SLC39A11: variants seen among roughly 807,000 people sequenced by gnomAD.
The protein encoded by SLC39A11 is solute carrier family 39 member 11.
A neutral mutation model predicts 36.1 loss-of-function variants in SLC39A11; 33 were observed. The ratio of observed to expected loss-of-function variants is 0.91; its 90% CI spans 0.69 to 1.22. SLC39A11 has a LOEUF of 1.22. Among genes scored for constraint, SLC39A11 ranks in the 50% most tolerant of loss-of-function variants. SLC39A11 has a pLI of 0.00. For synonymous variants in SLC39A11, 166 were observed against 170.3 expected (o/e 0.97, Z 0.20); for missense variants, 432 against 430.3 (o/e 1.00, Z -0.03).
chr17:72,946,904 C>A (rs973338733), intron 5 of SLC39A11, among the ~76,000 whole-genome samples: 1 of 152,238 alleles, frequency 6.6e-6, no homozygotes, highest in African/African-American at 2.4e-5. Context: ...TCTCCCCACC[C>A]AGCTTCAGTA....
chr17:72,976,346 C>T (rs1568054396), intron 4 of SLC39A11, among the ~76,000 whole-genome samples: 1 of 152,102 alleles, frequency 6.6e-6, no homozygotes, highest in Non-Finnish European at 1.5e-5. Context: ...TAAGATCACA[C>T]CTCTTTAATA....
chr17:72,833,484 T>C (rs2078375822), intron 6 of SLC39A11, among the ~76,000 whole-genome samples: 1 of 152,188 alleles, frequency 6.6e-6, no homozygotes, highest in South Asian at 2.1e-4. Flanking sequence ...TTCCAGGCAG[T>C]GTATTCTAAA....
At chr17:72,966,093 C>T (rs1477591682) in intron 4 of SLC39A11, among the ~76,000 whole-genome samples, 1 of 152,182 alleles carries the variant, frequency 6.6e-6, no homozygotes, top group African/African-American at 2.4e-5. Context: ...TTCTGCTGAA[C>T]CAGGGTGACA....
At chr17:72,733,342 T>C (rs1568001568) in intron 7 of SLC39A11, among the ~76,000 whole-genome samples, 1 of 152,180 alleles carries the variant, frequency 6.6e-6, no homozygotes, top group Non-Finnish European at 1.5e-5. Context: ...TAGTGACAAA[T>C]GTTCAGCTTC....
At chr17:72,800,192 G>A (rs2077036577) in intron 6 of SLC39A11, among the ~76,000 whole-genome samples, 1 of 152,050 alleles carries the variant, frequency 6.6e-6, no homozygotes, top group Non-Finnish European at 1.5e-5. Flanking sequence ...TGAGGCAGGA[G>A]GAATACCAAG....
intron 2 of SLC39A11, among the ~76,000 whole-genome samples, chr17:73,087,853 C>T (rs921778674): frequency 6.6e-6 from 1 of 152,082 alleles, no homozygotes; most frequent in Admixed American, 6.6e-5. Context: ...AGGAAACAAC[C>T]TGGAGATGGG....
intron 3 of SLC39A11, among the ~76,000 whole-genome samples, chr17:73,041,913 T>A (rs1400563429): frequency 6.6e-6 from 1 of 152,138 alleles, no homozygotes; most frequent in African/African-American, 2.4e-5. Context: ...CATAATCCGA[T>A]CTCTTTTCTC....
At chr17:72,654,192 C>T (rs1277120526) in intron 7 of SLC39A11, among the ~76,000 whole-genome samples, 3 of 152,128 alleles carry the variant, frequency 2.0e-5, no homozygotes, top group East Asian at 1.9e-4. Context: ...TTGAAAGGTC[C>T]TAGGCTCCCC....
chr17:72,880,086 C>A (rs936589154), intron 5 of SLC39A11, among the ~76,000 whole-genome samples: 3 of 152,214 alleles, frequency 2.0e-5, no homozygotes, highest in Admixed American at 6.5e-5. Flanking sequence ...GCTGCAACTC[C>A]TGCTGTTTCA....
In SLC39A11 at chr17:72,900,196, A is replaced by AGAAGGAAGGAAG. The variant is rs1567912916; in HGVS notation, c.430+47555_430+47556insCTTCCTTCCTTC. On this transcript the variant is annotated intron_variant, in intron 5 of 9. Transcript: ENST00000255559. Reference sequence around the variant, plus strand: ...AAGAAAGAAAGAAAGAAAGAAAGAAAGAAAGAAAGAAAGAAAGAAAGAAAG... The same window carrying AGAAGGAAGGAAG: ...AAGAAAGAAAGAAAGAAAGAAAGAAAGAAGGAAGGAAGGAAAGAAAGAAAGAAAGAAAGAAAG... Among the ~76,000 whole-genome samples the AGAAGGAAGGAAG allele has an allele frequency of 5.3e-3, 731 of 137,038 alleles. 114 individuals are homozygous for AGAAGGAAGGAAG. Among genetic ancestry groups the AGAAGGAAGGAAG allele is most frequent in the African/African-American group, 0.022 (687 of 30,624 alleles). The allele number at this position is 137,038 out of a possible 152,430, so 89.9% of individuals were successfully genotyped here. A position where few individuals can be genotyped will look rare whatever the true frequency, so the allele number is the denominator to read the frequency against.
At chr17:72,962,729 G>T (rs950175384) in intron 4 of SLC39A11, among the ~76,000 whole-genome samples, 6 of 152,112 alleles carry the variant, frequency 3.9e-5, no homozygotes, top group Non-Finnish European at 8.8e-5. Flanking sequence ...TAGAGACGGG[G>T]TTTCATCACA....
In SLC39A11 at chr17:72,890,286, A is replaced by AC. The variant is rs1426719076; in HGVS notation, c.431-40483_431-40482insG. Among the ~76,000 whole-genome samples the AC allele has an allele frequency of 8.2e-3, 379 of 46,294 alleles. 1 individual carries two copies. Among genetic ancestry groups the AC allele is most frequent in the African/African-American group, 0.019 (203 of 10,442 alleles). The allele number at this position is 46,294 out of a possible 152,430, so 30.4% of individuals were successfully genotyped here. A position where few individuals can be genotyped will look rare whatever the true frequency, so the allele number is the denominator to read the frequency against. On this transcript the variant is annotated intron_variant, in intron 5 of 9. Transcript: ENST00000255559. Reference sequence around the variant, plus strand: ...TCTCAAACAAACAACAACAACAACAAAAAAAAAAAAAACCACCAGAGGCAG... The same window carrying AC: ...TCTCAAACAAACAACAACAACAACAACAAAAAAAAAAAACCACCAGAGGCAG...
intron 5 of SLC39A11, among the ~76,000 whole-genome samples, chr17:72,935,916 G>A (rs567667604): frequency 1.1e-4 from 16 of 151,980 alleles, no homozygotes; most frequent in African/African-American, 1.7e-4. Flanking sequence ...GGCCATGAAG[G>A]CTGGGCACAG....
chr17:73,031,766 C>T (rs765698687), intron 3 of SLC39A11, 52 bp from the exon 4 acceptor site: 26 of 1,581,178 alleles, frequency 1.6e-5, no homozygotes. Flanking sequence ...AGAAGGCTTT[C>T]CAGGCAGGAC....
At chr17:73,067,039 T>TA in intron 3 of SLC39A11, among the ~76,000 whole-genome samples, 1 of 152,342 alleles carries the variant, frequency 6.6e-6, no homozygotes, top group Non-Finnish European at 1.5e-5. Context: ...GAACTCATTT[T>TA]AAAAGCAACA....
chr17:72,719,147 C>T (rs1000833264), intron 7 of SLC39A11, among the ~76,000 whole-genome samples: 5 of 151,810 alleles, frequency 3.3e-5, no homozygotes, highest in Admixed American at 6.6e-5. Flanking sequence ...TTTGGGAGGC[C>T]GAGGCATGAG....
chr17:73,009,093 G>GA (rs2090361115), intron 4 of SLC39A11, among the ~76,000 whole-genome samples: 2 of 150,608 alleles, frequency 1.3e-5, no homozygotes, highest in South Asian at 4.2e-4. Context: ...GGGGGGCGGG[G>GA]TGGCTCACGC....
intron 6 of SLC39A11, among the ~76,000 whole-genome samples, chr17:72,767,916 G>A (rs2075809585): frequency 6.6e-6 from 1 of 150,634 alleles, no homozygotes; most frequent in Non-Finnish European, 1.5e-5. Context: ...GACAGAGTTA[G>A]TACTCAAATC....
chr17:72,838,041 T>C (rs1315548585), intron 6 of SLC39A11: 2 of 1,193,034 alleles, frequency 1.7e-6, no homozygotes, highest in South Asian at 8.5e-5. Flanking sequence ...CTCAGCACTA[T>C]GGGAGGCTGA....
Sources: allele counts gnomAD v4.1 joint callset (sites outside exome capture counted in the v4.1 genomes callset), GRCh38; gene constraint gnomAD v4.1.1; transcripts MANE v1.5; gene names NCBI Gene and HGNC (gene_info 2026-07-23, HGNC 2026-07-21).